Variants in IL18RAP observed in about 807,000 individuals in gnomAD.
IL18RAP encodes the protein interleukin 18 receptor accessory protein.
A neutral mutation model predicts 58.1 loss-of-function variants in IL18RAP; 37 were observed. That is an observed-to-expected ratio of 0.64 (90% CI 0.49 to 0.84). The LOEUF (loss-of-function observed/expected upper bound fraction) is 0.84, where lower values mean the gene tolerates loss of function less well. Among genes scored for constraint, IL18RAP ranks in the 40% least tolerant of loss-of-function variants. The pLI, the probability that IL18RAP is intolerant of heterozygous loss-of-function variation, is 0.00. For missense variants in IL18RAP, 667 were observed against 704.8 expected, an observed-to-expected ratio of 0.95 and a Z score of 0.61; for synonymous variants, 268 against 257.5, an observed-to-expected ratio of 1.04 and a Z score of -0.39.
rs1683794706 is a variant in IL18RAP, at chr2:102,451,935, A to G, written c.1554A>G (p.Gln518=). Reference sequence around the variant, plus strand: ...TTTTAATTAAGTTCTGTTACTTCCAAGAGCCAGAGTCTCTACCTCATCTCG... The same window carrying G: ...TTTTAATTAAGTTCTGTTACTTCCAGGAGCCAGAGTCTCTACCTCATCTCG... ...KLILIKFCYF[Q]EPESLPHLVK... The change falls in exon 10 of 10, where the codon CAA becomes CAG. Residue 518 remains glutamine (Q), a synonymous_variant. Coordinates refer to ENST00000687160, the MANE Select transcript of IL18RAP (RefSeq NM_001393487.1). 6.2e-7 allele frequency: 1 copy of G among 1,614,186 alleles called. No homozygotes were observed. The highest frequency in any genetic ancestry group is 1.7e-5 in the Admixed American group (1 of 60,026).
At chr2:102,427,130 CA>C (rs2104304404) in intron 3 of IL18RAP, among the ~76,000 whole-genome samples, 1 of 152,250 alleles carries the variant, frequency 6.6e-6, no homozygotes, top group South Asian at 2.1e-4. Context: ...ACATGTACCA[CA>C]TTTTCTTTGT....
In IL18RAP at chr2:102,424,270, A is replaced by G. The variant is rs138125296; in HGVS notation, c.435A>G (p.Leu145=). The change falls in exon 3 of 10, where the codon TTA becomes TTG. Residue 145 remains leucine, a synonymous_variant. Coordinates refer to ENST00000687160, the MANE Select transcript of IL18RAP (RefSeq NM_001393487.1). ...TAGCCTGTTGTGTCAAGATGATTTT[A>G]GAAGTTAAGCCCCAGACAAATGCAT... The part of the protein sequence containing the change: ...YDVACCVKMI[L]EVKPQTNASC... 75 of 1,614,146 alleles carry G rather than the reference A, an allele frequency of 4.6e-5. No homozygotes were observed. The African/African-American group carries it at 7.9e-4, about 17-fold the overall frequency.
At position 102,423,268 on chromosome 2, in the gene IL18RAP, C is replaced by A. The variant is rs112271333; in HGVS notation, c.-10C>A. On this transcript the variant is annotated 5_prime_UTR_variant, in exon 1 of 10. Transcript: ENST00000687160. ...AGTTATTGGAGTGATGACAGGAACA[C>A]GGGAGAACAATGCTCTGTTTGGGCT... is the stretch of plus-strand genomic sequence containing the variant. The A allele has an allele frequency of 6.2e-7, 1 of 1,613,412 alleles. No individual in the cohort carries two copies. Among genetic ancestry groups the A allele is most frequent in the African/African-American group, 1.3e-5 (1 of 74,856 alleles).
At chr2:102,448,620 C>G (rs571220137) in intron 8 of IL18RAP, among the ~76,000 whole-genome samples, 1 of 152,190 alleles carries the variant, frequency 6.6e-6, no homozygotes, top group South Asian at 2.1e-4. Context: ...ACTAGGAATT[C>G]AGTGAGGAGT....
chr2:102,437,133 G>C, intron 3 of IL18RAP, 79 bp from the exon 4 acceptor site: 1 of 1,361,188 alleles, frequency 7.3e-7, no homozygotes, highest in Non-Finnish European at 1.0e-6. Flanking sequence ...GTTCAAATTT[G>C]TAAGATTTTT....
Position 102,452,209 on chromosome 2 carries a change from A to G in IL18RAP, c.*28A>G. The G allele has an allele frequency of 6.4e-7, 1 of 1,555,230 alleles. No homozygotes were observed. The highest frequency in any genetic ancestry group is 8.7e-7 in the Non-Finnish European group (1 of 1,152,270). On this transcript the variant is annotated 3_prime_UTR_variant, in exon 10 of 10. Transcript: ENST00000687160. ...TGAGCCCTGGAGCCCCCTCCAGTCC[A>G]GTCCCTGGGATAGAGATGTTGCTGG...
intron 3 of IL18RAP, among the ~76,000 whole-genome samples, chr2:102,429,610 C>T (rs1682201616): frequency 6.8e-6 from 1 of 147,712 alleles, no homozygotes; most frequent in African/African-American, 2.6e-5. Context: ...CTTCTGCAAA[C>T]TTTGGGCTTC....
At position 102,442,414 on chromosome 2, in the gene IL18RAP, T is replaced by C. The variant is rs545655103; in HGVS notation, c.797-786T>C. On this transcript the variant is annotated intron_variant, in intron 5 of 9. Coordinates refer to ENST00000687160, the MANE Select transcript of IL18RAP (RefSeq NM_001393487.1). ...AGATCACTAGATGGCAGGAGTGGTG[T>C]GTTCTGACTCTAGAAATAGCACTAA... is the stretch of plus-strand genomic sequence containing the variant. Among the ~76,000 whole-genome samples the C allele has an allele frequency of 6.6e-5, 10 of 152,206 alleles. No homozygotes were observed. The South Asian group carries it at 2.1e-3, about 32-fold the overall frequency.
intron 6 of IL18RAP, among the ~76,000 whole-genome samples, chr2:102,443,694 G>A (rs1042756772): frequency 6.6e-6 from 1 of 152,154 alleles, no homozygotes; most frequent in Non-Finnish European, 1.5e-5. Flanking sequence ...ATCCAGATGT[G>A]TGGGGTAATG....
upstream of IL18RAP, among the ~76,000 whole-genome samples, chr2:102,421,283 G>GA (rs3836108): frequency 0.77 from 117,729 of 152,108 alleles, 46,573 homozygotes; most frequent in African/African-American, 0.89. Context: ...AGAAGGGAGA[G>GA]GGCGCTTCTT....
chr2:102,419,113 C>T (rs11465675), upstream of IL18RAP, among the ~76,000 whole-genome samples: 225 of 152,154 alleles, frequency 1.5e-3, no homozygotes, highest in African/African-American at 4.8e-3. Flanking sequence ...TCCATATATA[C>T]GGAGTCTTCA....
rs548723363 is a variant in IL18RAP at position 102,423,218 on chromosome 2, A to T, written c.-60A>T. 4 of 1,502,930 alleles carry T rather than the reference A, an allele frequency of 2.7e-6. No individual in the cohort carries two copies. Among genetic ancestry groups the T allele is most frequent in the South Asian group, 1.1e-5 (1 of 88,850 alleles). The allele number at this position is 1,502,930 out of a possible 1,614,324, so 93.1% of individuals were successfully genotyped here. A position where few individuals can be genotyped will look rare whatever the true frequency, so the allele number is the denominator to read the frequency against. On this transcript the variant is annotated 5_prime_UTR_variant, in exon 1 of 10. Transcript: ENST00000687160. ...TCAGGGCAGAGTTCTGAATCTCAAA[A>T]CACTCTACTCTGGCAAAGGAATGAA...
intron 3 of IL18RAP, among the ~76,000 whole-genome samples, chr2:102,435,608 TC>T (rs1682682290): frequency 6.6e-6 from 1 of 152,116 alleles, no homozygotes; most frequent in East Asian, 1.9e-4. Context: ...TTTGGAGTCC[TC>T]CCAGACTGGG....
In IL18RAP at chr2:102,451,781, T is replaced by A; in HGVS notation, c.1400T>A (p.Ile467Asn). Reference sequence around the variant, plus strand: ...TTATTTCCAGTGTATGCAGAAGACATTGTGAGCATTATTAAGAGAAGCAGA... The same window carrying A: ...TTATTTCCAGTGTATGCAGAAGACAATGTGAGCATTATTAAGAGAAGCAGA... ...VAPGGVYAED[I>N]VSIIKRSRRG... Residue 467 changes from isoleucine to asparagine, a missense_variant, in exon 10 of 10, where the codon ATT becomes AAT. By Grantham distance (149) the Ile-to-Asn change is moderately radical (BLOSUM62 -3). Transcript: ENST00000687160. The A allele has an allele frequency of 5.6e-6, 9 of 1,611,766 alleles. No individual in the cohort carries two copies. The highest frequency in any genetic ancestry group is 7.6e-6 in the Non-Finnish European group (9 of 1,178,340).
rs140506333 is a variant in IL18RAP at position 102,441,836 on chromosome 2, C to T, written c.796+459C>T. On this transcript the variant is annotated intron_variant, in intron 5 of 9. Coordinates refer to ENST00000687160, the MANE Select transcript of IL18RAP (RefSeq NM_001393487.1). ...CTGGGAGGCGGAGGTTACAGTGAGC[C>T]GAGATCGAGCCATTGCACTCCATCC... Among the ~76,000 whole-genome samples, 201 of 151,818 alleles carry T rather than the reference C, an allele frequency of 1.3e-3. 1 individual carries two copies. The highest frequency in any genetic ancestry group is 4.5e-3 in the African/African-American group (186 of 41,340).
intron 7 of IL18RAP, among the ~76,000 whole-genome samples, chr2:102,446,288 A>T (rs1215099373): frequency 6.6e-6 from 1 of 152,090 alleles, no homozygotes; most frequent in East Asian, 1.9e-4. Context: ...TCAAAATGTG[A>T]TTTTTTAAAA....
chr2:102,419,888 C>T (rs1301291386), upstream of IL18RAP: 1 of 152,216 alleles, frequency 6.6e-6, no homozygotes, highest in Admixed American at 6.5e-5. Flanking sequence ...CAGCACCCCG[C>T]TTCACTTTAC....
chr2:102,432,900 A>G (rs1002286365), intron 3 of IL18RAP, among the ~76,000 whole-genome samples: 5 of 152,262 alleles, frequency 3.3e-5, no homozygotes, highest in African/African-American at 1.2e-4. Flanking sequence ...GTAATGAAAA[A>G]ATAGCCTTGG....
rs770953358 is a variant in IL18RAP, at chr2:102,452,187, G to A, written c.*6G>A. On this transcript the variant is annotated 3_prime_UTR_variant, in exon 10 of 10. Transcript: ENST00000687160. The stretch of plus-strand genomic sequence containing the variant: ...CCCAGCCTAAGGAATGGTGAAATGA[G>A]CCCTGGAGCCCCCTCCAGTCCAGTC... 23 of 1,588,480 alleles carry A rather than the reference G, an allele frequency of 1.4e-5. No homozygotes were observed. The East Asian group carries it at 3.6e-4, about 25-fold the overall frequency.
Sources: gnomAD v4.1 joint callset for allele counts (sites outside exome capture counted in the v4.1 genomes callset) on GRCh38, gnomAD v4.1.1 for gene constraint, MANE v1.5 for transcripts, NCBI Gene and HGNC (gene_info 2026-07-23, HGNC 2026-07-21) for gene names.